The following INPP4B variants were observed in gnomAD, a reference collection of about 807,000 sequenced individuals.
The protein encoded by INPP4B is inositol polyphosphate 4-phosphatase type II.
In INPP4B, 55 loss-of-function variants were observed where a neutral mutation model predicts 122.5. That is an observed-to-expected ratio of 0.45 (90% CI 0.36 to 0.56). The LOEUF is 0.56. INPP4B is among the 20% of genes least tolerant of loss of function. The pLI is 0.00. For missense variants in INPP4B, 1,000 were observed against 1,097.7 expected (o/e 0.91, Z 1.26); for synonymous variants, 403 against 388.7 (o/e 1.04, Z -0.43).
intron 2 of INPP4B, among the ~76,000 whole-genome samples, chr4:142,529,959 C>T (rs1364193198): frequency 2.0e-5 from 3 of 152,058 alleles, no homozygotes; most frequent in African/African-American, 4.8e-5. Flanking sequence ...CTAGAAGTTA[C>T]GTATGCTACT....
At chr4:142,528,385 T>G (rs2149970448) in intron 2 of INPP4B, among the ~76,000 whole-genome samples, 1 of 152,152 alleles carries the variant, frequency 6.6e-6, no homozygotes, top group East Asian at 1.9e-4. Context: ...ACTCATGTAG[T>G]TGTTGTAGGA....
At chr4:142,383,899 T>C (rs1229251801) in intron 7 of INPP4B, 1 of 560,622 alleles carries the variant, frequency 1.8e-6, no homozygotes, top group African/African-American at 1.9e-5. Flanking sequence ...AGCTTATTAT[T>C]CATGTGACCT....
intron 25 of INPP4B, among the ~76,000 whole-genome samples, chr4:142,053,689 T>C (rs1511252): frequency 0.81 from 123,499 of 151,988 alleles, 52,356 homozygotes; most frequent in Non-Finnish European, 0.92. Context: ...AAACCATGAA[T>C]GATAACCTAG....
chr4:142,041,447 G>A (rs1214496502), intron 25 of INPP4B, among the ~76,000 whole-genome samples: 3 of 152,004 alleles, frequency 2.0e-5, no homozygotes, highest in Admixed American at 6.6e-5. Flanking sequence ...GTGAAACCCC[G>A]CCTCTACTAA....
chr4:142,595,536 G>T (rs1285645257), intron 2 of INPP4B, among the ~76,000 whole-genome samples: 1 of 152,182 alleles, frequency 6.6e-6, no homozygotes, highest in Non-Finnish European at 1.5e-5. Flanking sequence ...AATGGGAACA[G>T]AAAACTTATT....
intron 14 of INPP4B, among the ~76,000 whole-genome samples, chr4:142,194,312 T>C (rs1439205177): frequency 6.6e-6 from 1 of 152,164 alleles, no homozygotes; most frequent in African/African-American, 2.4e-5. Context: ...ACTAATAAAC[T>C]AGAAGTCAGC....
intron 2 of INPP4B, among the ~76,000 whole-genome samples, chr4:142,651,257 C>T (rs374435858): frequency 4.4e-4 from 67 of 152,104 alleles, no homozygotes; most frequent in African/African-American, 1.6e-3. Context: ...AAAATGCCTG[C>T]AAGAGAAAGA....
chr4:142,294,829 CAAAAAAA>C lies in INPP4B; in HGVS notation c.503+10622_503+10628del, dbSNP rs57430432. 1.4e-3 allele frequency among the ~76,000 whole-genome samples: 41 copies of C among 28,476 alleles called. 1 individual carries two copies. Among genetic ancestry groups the C allele is most frequent in the Admixed American group, 6.1e-3 (9 of 1,472 alleles). 18.7% of individuals were successfully genotyped at this position (28,476 alleles called of 152,430 possible). ...CGGGCGACAGAGCGAGACTCCGTCT[CAAAAAAA>C]AAAAAAAAAAAAAAAAAAAAGGCAG... On this transcript the variant is annotated intron_variant, in intron 9 of 25. Coordinates refer to ENST00000262992, the MANE Select transcript of INPP4B (RefSeq NM_001101669.3).
chr4:142,604,720 G>C (rs532246306), intron 2 of INPP4B, among the ~76,000 whole-genome samples: 12 of 151,922 alleles, frequency 7.9e-5, no homozygotes, highest in Non-Finnish European at 1.5e-4. Context: ...AAATTGAAGC[G>C]AACGTAAACA....
At chr4:142,251,842 C>A (rs1421683314) in intron 11 of INPP4B, among the ~76,000 whole-genome samples, 2 of 152,198 alleles carry the variant, frequency 1.3e-5, no homozygotes, top group Non-Finnish European at 2.9e-5. Flanking sequence ...TATTTGTAAG[C>A]TGCTGAAGTT....
At chr4:142,778,288 C>T (rs1262271751) in intron 1 of INPP4B, among the ~76,000 whole-genome samples, 4 of 152,090 alleles carry the variant, frequency 2.6e-5, no homozygotes, top group African/African-American at 9.7e-5. Flanking sequence ...GCCTCAAGCA[C>T]CCATCCTTCC....
In INPP4B at chr4:142,026,729, G is replaced by C. The variant is rs1560857487; in HGVS notation, c.*2053C>G. 1 of 152,290 alleles carries C rather than the reference G, an allele frequency of 6.6e-6. No homozygotes were observed. Among genetic ancestry groups the C allele is most frequent in the Middle Eastern group, 3.4e-3 (1 of 294 alleles). The allele number at this position is 152,290 out of a possible 1,614,324, so 9.4% of individuals were successfully genotyped here. A position where few individuals can be genotyped will look rare whatever the true frequency, so the allele number is the denominator to read the frequency against. Reference sequence around the variant, plus strand: ...TGATCTATCCACCTTGGCTCCCAAAGTGCTGGGATTACAGGAAATCCTTGA... The same window carrying C: ...TGATCTATCCACCTTGGCTCCCAAACTGCTGGGATTACAGGAAATCCTTGA... On this transcript the variant is annotated 3_prime_UTR_variant, in exon 26 of 26. Coordinates refer to ENST00000262992, the MANE Select transcript of INPP4B (RefSeq NM_001101669.3).
At chr4:142,058,337 G>T (rs1758778935) in intron 25 of INPP4B, among the ~76,000 whole-genome samples, 1 of 151,926 alleles carries the variant, frequency 6.6e-6, no homozygotes, top group South Asian at 2.1e-4. Flanking sequence ...GACTAATTCT[G>T]GTGTCTTGGA....
At chr4:142,051,755 A>T (rs1754734484) in intron 25 of INPP4B, among the ~76,000 whole-genome samples, 1 of 152,056 alleles carries the variant, frequency 6.6e-6, no homozygotes, top group Non-Finnish European at 1.5e-5. Flanking sequence ...TGGGTCACAA[A>T]GCTAAGTAGA....
At chr4:142,155,891 T>C (rs1418179151) in intron 17 of INPP4B, among the ~76,000 whole-genome samples, 4 of 151,080 alleles carry the variant, frequency 2.6e-5, no homozygotes, top group African/African-American at 9.7e-5. Flanking sequence ...TAAATATGAC[T>C]ATGAATTTGT....
chr4:142,714,575 G>T (rs1443910421), intron 2 of INPP4B, among the ~76,000 whole-genome samples: 1 of 152,134 alleles, frequency 6.6e-6, no homozygotes, highest in Non-Finnish European at 1.5e-5. Flanking sequence ...GTTGATCATT[G>T]ATATTATTTC....
At chr4:142,640,865 T>C (rs545369693) in intron 2 of INPP4B, among the ~76,000 whole-genome samples, 3 of 152,094 alleles carry the variant, frequency 2.0e-5, no homozygotes, top group Non-Finnish European at 4.4e-5. Context: ...ATTAAAACTA[T>C]AATGAGATAC....
chr4:142,485,717 A>C (rs1821119491), intron 2 of INPP4B, among the ~76,000 whole-genome samples: 1 of 152,338 alleles, frequency 6.6e-6, no homozygotes, highest in South Asian at 2.1e-4. Context: ...TATGCTCTTA[A>C]TCTACCATTT....
chr4:142,409,413 A>T (rs1196133090), intron 5 of INPP4B, among the ~76,000 whole-genome samples: 2 of 152,074 alleles, frequency 1.3e-5, no homozygotes, highest in African/African-American at 4.8e-5. Flanking sequence ...GAGTCGCTTG[A>T]ACCCGGGAAG....
Sources: gnomAD v4.1 joint callset for allele counts (sites outside exome capture counted in the v4.1 genomes callset) on GRCh38, gnomAD v4.1.1 for gene constraint, MANE v1.5 for transcripts, NCBI Gene and HGNC (gene_info 2026-07-23, HGNC 2026-07-21) for gene names.